The following FANCL variants were observed in gnomAD, a reference collection of about 807,000 sequenced individuals.
FANCL encodes the protein E3 ubiquitin-protein ligase FANCL.
A neutral mutation model predicts 59.4 loss-of-function variants in FANCL; 69 were observed. The observed-to-expected ratio is 1.16, with a 90% CI of 0.96 to 1.42. The LOEUF (loss-of-function observed/expected upper bound fraction) is 1.42. Ranked by LOEUF, FANCL falls within the 40% of genes most tolerant of loss-of-function variation. The pLI, the probability that FANCL is intolerant of heterozygous loss-of-function variation, is 0.00. For missense variants in FANCL, 519 were observed against 447.2 expected (o/e 1.16, Z -1.45); for synonymous variants, 180 against 147.1 (o/e 1.22, Z -1.62).
In FANCL at chr2:58,236,974, T is replaced by C. The variant is rs897095520; in HGVS notation, c.96+4244A>G. 2.0e-5 allele frequency among the ~76,000 whole-genome samples: 3 copies of C among 152,214 alleles called. No homozygotes were observed. The East Asian group carries it at 5.8e-4, about 29-fold the overall frequency. On this transcript the variant is annotated intron_variant, in intron 1 of 13. Transcript: ENST00000233741. ...TTCAAAATATATGAAGCAAAACTGATAGAAATTAAATAGAAATTGAAAAAT... is the reference window on the plus strand; with the variant it reads ...TTCAAAATATATGAAGCAAAACTGACAGAAATTAAATAGAAATTGAAAAAT...
intron 7 of FANCL, among the ~76,000 whole-genome samples, chr2:58,186,056 G>C (rs934355922): frequency 1.3e-5 from 2 of 152,118 alleles, no homozygotes; most frequent in Non-Finnish European, 2.9e-5. Context: ...TTCAAATAGT[G>C]ACAAGTCAAA....
At chr2:58,171,542 A>G (rs1433707189) in intron 7 of FANCL, among the ~76,000 whole-genome samples, 2 of 152,206 alleles carry the variant, frequency 1.3e-5, no homozygotes. Flanking sequence ...ACTGAAGGAG[A>G]TAGAGACACG....
At chr2:58,218,007 G>C (rs1692020614) in intron 5 of FANCL, among the ~76,000 whole-genome samples, 1 of 152,002 alleles carries the variant, frequency 6.6e-6, no homozygotes, top group African/African-American at 2.4e-5. Flanking sequence ...GATGATTTCT[G>C]ACAAAAGTAG....
intron 2 of FANCL, among the ~76,000 whole-genome samples, chr2:58,230,190 G>C (rs955570840): frequency 1.4e-4 from 21 of 152,164 alleles, no homozygotes; most frequent in African/African-American, 5.1e-4. Flanking sequence ...AAAACCAACA[G>C]TTTTGATAAC....
chr2:58,159,711 C>A lies in FANCL; in HGVS notation c.*54G>T. 6.2e-7 allele frequency: 1 copy of A among 1,611,702 alleles called. No homozygotes were observed. The highest frequency in any genetic ancestry group is 8.5e-7 in the Non-Finnish European group (1 of 1,179,012). ...TTCTCTGAAGATGATACCAAAATTC[C>A]TTTTGATAATTTTTTAAGTTTCCAG... is the stretch of plus-strand genomic sequence containing the variant. On this transcript the variant is annotated 3_prime_UTR_variant, in exon 14 of 14. Coordinates refer to ENST00000233741, the MANE Select transcript of FANCL (RefSeq NM_018062.4).
intron 7 of FANCL, among the ~76,000 whole-genome samples, chr2:58,185,201 A>G (rs531752803): frequency 6.8e-4 from 104 of 152,278 alleles, no homozygotes; most frequent in Non-Finnish European, 1.5e-4. Context: ...AGGAAAAAAT[A>G]GACATCTCCA....
intron 1 of FANCL, among the ~76,000 whole-genome samples, chr2:58,236,771 T>C (rs1233524081): frequency 6.6e-6 from 1 of 151,844 alleles, no homozygotes. Context: ...GAAGTAAAGA[T>C]AAACCATGGT....
At position 58,221,997 on chromosome 2, in the gene FANCL, G is replaced by A. The variant is rs754028115; in HGVS notation, c.319C>T (p.Pro107Ser). ...NRQELYALPP[P>S]PQFYSSLIEE... Reference sequence around the variant, plus strand: ...ATAAGGCTTGAGTAGAACTGGGGAGGAGGAGGTAGTGCATACAGCTCTTGT... The same window carrying A: ...ATAAGGCTTGAGTAGAACTGGGGAGAAGGAGGTAGTGCATACAGCTCTTGT... Residue 107 changes from proline (P) to serine (S), a missense_variant, in exon 5 of 14, where the codon CCT becomes TCT. Pro to Ser is a moderately conservative substitution (Grantham distance 74, BLOSUM62 -1). Transcript: ENST00000233741. 1.5e-5 allele frequency: 24 copies of A among 1,613,570 alleles called. No homozygotes were observed. The highest frequency in any genetic ancestry group is 2.0e-5 in the Non-Finnish European group (24 of 1,179,602).
At chr2:58,197,738 T>C (rs1689570281) in intron 7 of FANCL, among the ~76,000 whole-genome samples, 1 of 152,190 alleles carries the variant, frequency 6.6e-6, no homozygotes, top group Non-Finnish European at 1.5e-5. Context: ...AAGAATATAA[T>C]CAAAGTTTAA....
chr2:58,172,636 T>A (rs1007325118), intron 7 of FANCL, among the ~76,000 whole-genome samples: 5 of 152,266 alleles, frequency 3.3e-5, no homozygotes, highest in African/African-American at 1.2e-4. Flanking sequence ...AACCCATCTG[T>A]ACATCACCAT....
intron 4 of FANCL, among the ~76,000 whole-genome samples, chr2:58,225,506 G>T (rs546007758): frequency 6.6e-6 from 1 of 152,050 alleles, no homozygotes; most frequent in Non-Finnish European, 1.5e-5. Flanking sequence ...AAATCATTAG[G>T]TGACAGTCTG....
rs1338440311 is a variant in FANCL, at chr2:58,198,634, A to G, written c.500T>C (p.Val167Ala). The G allele has an allele frequency of 1.2e-5, 19 of 1,613,896 alleles. No homozygotes were observed. The highest frequency in any genetic ancestry group is 1.6e-5 in the Non-Finnish European group (19 of 1,179,878). ...GGCACAAAATGGAACAGGAAAATCC[A>G]CAAAATAATCTGGTGATTCTGCAGG... Reference protein sequence around the residue: ...KYPAESPDYFVDFPVPFCASW... With the variant: ...KYPAESPDYFADFPVPFCASW... The change falls in exon 7 of 14, where the codon GTG (valine) becomes GCG (alanine). Residue 167 changes from valine (V) to alanine (A), a missense_variant. Transcript: ENST00000233741.
intron 7 of FANCL, among the ~76,000 whole-genome samples, chr2:58,196,959 G>A (rs540298537): frequency 1.3e-4 from 19 of 151,278 alleles, no homozygotes; most frequent in South Asian, 2.1e-4. Flanking sequence ...AAAGGGACAT[G>A]GGTCTCATGA....
At chr2:58,178,156 G>C (rs1044026016) in intron 7 of FANCL, among the ~76,000 whole-genome samples, 2 of 152,074 alleles carry the variant, frequency 1.3e-5, no homozygotes, top group Non-Finnish European at 1.5e-5. Context: ...AATTCTACCA[G>C]AGGTACAAAG....
chr2:58,168,191 C>T (rs1005646608), intron 7 of FANCL, among the ~76,000 whole-genome samples: 19 of 152,248 alleles, frequency 1.2e-4, no homozygotes, highest in African/African-American at 4.1e-4. Context: ...CTCCAGTCTG[C>T]AGCTCCCAGC....
intron 4 of FANCL, among the ~76,000 whole-genome samples, chr2:58,225,938 C>T (rs1215068293): frequency 6.6e-6 from 1 of 151,840 alleles, no homozygotes; most frequent in African/African-American, 2.4e-5. Context: ...TGTTTGCATA[C>T]TAATACAAAC....
intron 7 of FANCL, among the ~76,000 whole-genome samples, chr2:58,176,215 T>G (rs1206227044): frequency 6.6e-6 from 1 of 152,200 alleles, no homozygotes; most frequent in East Asian, 1.9e-4. Flanking sequence ...CAACGTACTT[T>G]ATAGATTCAA....
chr2:58,172,528 T>C (rs1444356240), intron 7 of FANCL, among the ~76,000 whole-genome samples: 1 of 152,168 alleles, frequency 6.6e-6, no homozygotes, highest in African/African-American at 2.4e-5. Flanking sequence ...CCAACAGACC[T>C]GCAGCTGAGG....
chr2:58,193,015 A>G (rs1689086395), intron 7 of FANCL, among the ~76,000 whole-genome samples: 1 of 152,024 alleles, frequency 6.6e-6, no homozygotes. Flanking sequence ...AAAATAACAA[A>G]AATTTTAAAA....
Sources: gnomAD v4.1 joint callset for allele counts (sites outside exome capture counted in the v4.1 genomes callset) on GRCh38, gnomAD v4.1.1 for gene constraint, MANE v1.5 for transcripts, NCBI Gene and HGNC (gene_info 2026-07-23, HGNC 2026-07-21) for gene names.